The following LGI3 variants were observed in gnomAD, a reference collection of about 807,000 sequenced individuals.
The protein encoded by LGI3 is leucine-rich repeat LGI family member 3.
Under a neutral mutation model 55.4 loss-of-function variants are expected in LGI3, and 47 were observed. The observed-to-expected ratio is 0.85, with a 90% CI of 0.67 to 1.08. The LOEUF is 1.08. LGI3 is among the 50% of genes least tolerant of loss of function. LGI3 has a pLI of 0.00. For synonymous variants in LGI3, 326 were observed against 315.0 expected (o/e 1.04, Z -0.37); for missense variants, 664 against 726.3 (o/e 0.91, Z 0.99).
rs763897669 is a variant in LGI3, at chr8:22,148,311, C to T, written c.1496G>A (p.Arg499Gln). 4.3e-5 allele frequency: 70 copies of T among 1,614,020 alleles called. No individual in the cohort carries two copies. Among genetic ancestry groups the T allele is most frequent in the Non-Finnish European group, 5.7e-5 (67 of 1,180,028 alleles). The change falls in exon 8 of 8, where the codon CGA (arginine) becomes CAA (glutamine). Residue 499 changes from arginine to glutamine, a missense_variant. Transcript: ENST00000306317. The surrounding 1 kb of genome is among the most constrained non-coding windows in gnomAD (Gnocchi z 7.0). ...CTCCTGGAACCGTACAAACTTCTGT[C>T]GTCCCTCATCCCACTGGTAGATCTG... ...FTQIYQWDEGRQKFVRFQELA... is the reference protein window; with the variant it reads ...FTQIYQWDEGQQKFVRFQELA...
At chr8:22,154,115 C>T in intron 4 of LGI3, 27 bp downstream of exon 4, 1 of 1,611,772 alleles carries the variant, frequency 6.2e-7, no homozygotes, top group Non-Finnish European at 8.5e-7. Context: ...GGCTTTGGTG[C>T]AGTGTGTGTA....
intron 2 of LGI3, 139 bp downstream of exon 2, chr8:22,155,253 A>C: frequency 1.3e-6 from 1 of 791,790 alleles, no homozygotes; most frequent in Non-Finnish European, 2.1e-6. Context: ...GGTACATCCT[A>C]TCAGAACAAA....
In LGI3 at chr8:22,156,513, C is replaced by T. The variant is rs1224903291; in HGVS notation, c.30G>A (p.Pro10=). 7.2e-7 allele frequency: 1 copy of T among 1,390,328 alleles called. No homozygotes were observed. Among genetic ancestry groups the T allele is most frequent in the Non-Finnish European group, 9.3e-7 (1 of 1,072,516 alleles). 86.1% of individuals were successfully genotyped at this position (1,390,328 alleles called of 1,614,324 possible). The change falls in exon 1 of 8, where the codon CCG becomes CCA. Residue 10 remains proline, a synonymous_variant. Transcript: ENST00000306317. MAGLRARGG[P]GPGLLALSAL... ...CGGAGAGCGCCAGCAGCCCCGGCCC[C>T]GGGCCCCCCCTGGCCCGCAGCCCCG...
rs752829873 is a variant in LGI3, at chr8:22,154,161, G to A, written c.403C>T (p.Leu135Phe). 5 of 1,614,100 alleles carry A rather than the reference G, an allele frequency of 3.1e-6. No individual in the cohort carries two copies. The highest frequency in any genetic ancestry group is 4.2e-6 in the Non-Finnish European group (5 of 1,179,968). Residue 135 changes from leucine (L) to phenylalanine (F), a missense_variant, in exon 4 of 8, where the codon CTC becomes TTC. Physicochemically the swap from Leu to Phe is conservative, Grantham distance 22 (BLOSUM62 0). Transcript: ENST00000306317. ...ACTCACAGGTGAGTCAAGGACTTGA[G>A]TCCTCGGAAGGTGAACTTGGATAGT... ...WALSKFTFRG[L>F]KSLTHLSLAN...
chr8:22,150,188 T>C (rs879638665), intron 7 of LGI3, among the ~76,000 whole-genome samples: 3 of 152,170 alleles, frequency 2.0e-5, no homozygotes, highest in Non-Finnish European at 4.4e-5. Context: ...CCTTAAATGT[T>C]TGATAGCATT....
chr8:22,151,749 G>A, intron 6 of LGI3, 82 bp downstream of exon 6: 10 of 1,566,300 alleles, frequency 6.4e-6, no homozygotes, highest in Non-Finnish European at 8.7e-6. Flanking sequence ...TGGGTGTTGT[G>A]GGGCAGGGTG....
In LGI3 at chr8:22,156,507, C is replaced by G. The variant is rs376564510; in HGVS notation, c.36G>C (p.Pro12=). 8,246 of 1,399,390 alleles carry G rather than the reference C, an allele frequency of 5.9e-3. 277 individuals are homozygous for G. The African/African-American group carries it at 0.086, about 15-fold the overall frequency. 86.7% of individuals were successfully genotyped at this position (1,399,390 alleles called of 1,614,324 possible). ...AGLRARGGPG[P]GLLALSALGF... ...CGAGCGCGGAGAGCGCCAGCAGCCC[C>G]GGCCCCGGGCCCCCCCTGGCCCGCA... The change falls in exon 1 of 8, where the codon CCG becomes CCC. Residue 12 remains proline, a synonymous_variant. Coordinates refer to ENST00000306317, the MANE Select transcript of LGI3 (RefSeq NM_139278.4).
Position 22,148,788 on chromosome 8 carries a change from T to G in LGI3, c.1019A>C (p.Asp340Ala). 2 of 1,614,170 alleles carry G rather than the reference T, an allele frequency of 1.2e-6. No homozygotes were observed. The change falls in exon 8 of 8, where the codon GAC (aspartate) becomes GCC (alanine). Residue 340 changes from aspartate (D) to alanine (A), a missense_variant. Coordinates refer to ENST00000306317, the MANE Select transcript of LGI3 (RefSeq NM_139278.4). This position sits in a 1 kb window ranked among gnomAD's most constrained non-coding sequence, Gnocchi z 7.0. ...NDLEAFRIDGDWYFAVADSSK... is the reference protein window; with the variant it reads ...NDLEAFRIDGAWYFAVADSSK... ...GCTGTCAGCCACGGCAAAGTACCAG[T>G]CACCGTCGATGCGGAAGGCTTCTAG...
Position 22,148,736 on chromosome 8 carries a change from G to A in LGI3, c.1071C>T (p.Tyr357=). Residue 357 remains tyrosine, a synonymous_variant, in exon 8 of 8, where the codon TAC becomes TAT. Coordinates refer to ENST00000306317, the MANE Select transcript of LGI3 (RefSeq NM_139278.4). The surrounding 1 kb of genome is among the most constrained non-coding windows in gnomAD (Gnocchi z 7.0). The part of the protein sequence containing the change: ...DSSKAGATSL[Y]RWHQNGFYSH... ...AGTAGAAGCCATTCTGGTGCCAGCGGTAGAGGCTGGTGGCGCCTGCCTTGG... is the reference window on the plus strand; with the variant it reads ...AGTAGAAGCCATTCTGGTGCCAGCGATAGAGGCTGGTGGCGCCTGCCTTGG... The A allele has an allele frequency of 6.2e-7, 1 of 1,614,186 alleles. No individual in the cohort carries two copies. Among genetic ancestry groups the A allele is most frequent in the Non-Finnish European group, 8.5e-7 (1 of 1,180,026 alleles).
Position 22,153,957 on chromosome 8 carries a change from T to A in LGI3, c.494+11A>T. ...GCGGCACTGTTGGAAGAGGCAGGAC[T>A]CAGGCCTTACAAGTCATTCAGGATG... On this transcript the variant is annotated intron_variant, in intron 5 of 7. Coordinates refer to ENST00000306317, the MANE Select transcript of LGI3 (RefSeq NM_139278.4). 6.2e-7 allele frequency: 1 copy of A among 1,613,448 alleles called. No individual in the cohort carries two copies. Among genetic ancestry groups the A allele is most frequent in the Non-Finnish European group, 8.5e-7 (1 of 1,179,722 alleles).
Position 22,148,143 on chromosome 8 carries a change from A to C in LGI3, c.*17T>G. The C allele has an allele frequency of 6.4e-7, 1 of 1,559,092 alleles. No individual in the cohort carries two copies. Among genetic ancestry groups the C allele is most frequent in the Non-Finnish European group, 8.7e-7 (1 of 1,151,602 alleles). ...CTCCAGTGGCCACCCTGAGGAGACC[A>C]GAGGCCTCGGCACCCCCTAGGCACT... On this transcript the variant is annotated 3_prime_UTR_variant, in exon 8 of 8. Transcript: ENST00000306317. The surrounding 1 kb of genome is among the most constrained non-coding windows in gnomAD (Gnocchi z 7.0).
At chr8:22,153,711 TAA>T (rs534582339) in intron 5 of LGI3, among the ~76,000 whole-genome samples, 19 of 130,274 alleles carry the variant, frequency 1.5e-4, no homozygotes, top group East Asian at 4.2e-4. Context: ...CGTCTATAAT[TAA>T]AAAAAAAAAA....
Position 22,151,522 on chromosome 8 carries a change from C to A in LGI3, c.796G>T (p.Glu266Ter). ...CTATCATAGTCTCGAAGCTGCCGCTCAACATAGTCCCACTTCAGGATGGTG... is the reference window on the plus strand; with the variant it reads ...CTATCATAGTCTCGAAGCTGCCGCTAAACATAGTCCCACTTCAGGATGGTG... The part of the protein sequence containing the change: ...ACTILKWDYV[E>*]RQLRDYDRIP... Residue 266 changes from glutamate (E) to a stop codon, truncating the protein, a stop_gained, in exon 7 of 8, where the codon GAG (glutamate) becomes TAG (stop). Coordinates refer to ENST00000306317, the MANE Select transcript of LGI3 (RefSeq NM_139278.4). LOFTEE classifies it high-confidence loss of function. 6 of 1,614,074 alleles carry A rather than the reference C, an allele frequency of 3.7e-6. No homozygotes were observed. The highest frequency in any genetic ancestry group is 5.1e-6 in the Non-Finnish European group (6 of 1,180,016).
At position 22,148,913 on chromosome 8, in the gene LGI3, C is replaced by G. The variant is rs746299609; in HGVS notation, c.894G>C (p.Gln298His). ...GGTAAATGTAAGAGCCGCCAAACAG[C>G]TGGGCCACGACCACGTACAGCTGGC... Reference protein sequence around the residue: ...VDSQLYVVVAQLFGGSYIYHW... With the variant: ...VDSQLYVVVAHLFGGSYIYHW... Residue 298 changes from glutamine to histidine, a missense_variant, in exon 8 of 8, where the codon CAG becomes CAC. By Grantham distance (24) the Gln-to-His change is conservative. Transcript: ENST00000306317. The surrounding 1 kb of genome is among the most constrained non-coding windows in gnomAD (Gnocchi z 7.0). 3.3e-5 allele frequency: 53 copies of G among 1,614,016 alleles called. No homozygotes were observed. In the South Asian group the frequency reaches 5.6e-4, roughly 17 times the overall value.
chr8:22,153,520 G>A (rs1172052836), intron 5 of LGI3, among the ~76,000 whole-genome samples: 1 of 151,772 alleles, frequency 6.6e-6, no homozygotes, highest in Non-Finnish European at 1.5e-5. Flanking sequence ...GGCCAACATG[G>A]TGAAACCCCG....
Position 22,148,362 on chromosome 8 carries a change from G to A in LGI3, c.1445C>T (p.Ala482Val), listed in dbSNP as rs1827333061. The stretch of plus-strand genomic sequence containing the variant: ...GGTGAAGGAGAAATCACTGCCCAGT[G>A]CCAGGTAGCGGCGGCCACCCACAAG... ...PFLVGGRRYL[A>V]LGSDFSFTQI... The change falls in exon 8 of 8, where the codon GCA (alanine) becomes GTA (valine). Residue 482 changes from alanine to valine, a missense_variant. Transcript: ENST00000306317. This position sits in a 1 kb window ranked among gnomAD's most constrained non-coding sequence, Gnocchi z 7.0. The A allele has an allele frequency of 6.2e-7, 1 of 1,613,906 alleles. No individual in the cohort carries two copies. Among genetic ancestry groups the A allele is most frequent in the South Asian group, 1.1e-5 (1 of 91,058 alleles).
At position 22,148,712 on chromosome 8, in the gene LGI3, G is replaced by T; in HGVS notation, c.1095C>A (p.Tyr365Ter). The stretch of plus-strand genomic sequence containing the variant: ...GCCAGGGGTGCAGTGCCTGGTGGGA[G>T]TAGAAGCCATTCTGGTGCCAGCGGT... ...SLYRWHQNGF[Y>*]SHQALHPWHR... The change falls in exon 8 of 8, where the codon TAC becomes TAA. Residue 365 changes from tyrosine (Y) to a stop codon, truncating the protein, a stop_gained. Coordinates refer to ENST00000306317, the MANE Select transcript of LGI3 (RefSeq NM_139278.4). LOFTEE classifies it high-confidence loss of function. The surrounding 1 kb of genome is among the most constrained non-coding windows in gnomAD (Gnocchi z 7.0). The T allele has an allele frequency of 6.2e-7, 1 of 1,614,182 alleles. No homozygotes were observed. The highest frequency in any genetic ancestry group is 8.5e-7 in the Non-Finnish European group (1 of 1,180,024).
chr8:22,156,399 G>T lies in LGI3; in HGVS notation c.144C>A (p.Asp48Glu), dbSNP rs894278014. Residue 48 changes from aspartate (D) to glutamate (E), a missense_variant, in exon 1 of 8, where the codon GAC becomes GAA. Physicochemically the swap from Asp to Glu is conservative, Grantham distance 45. Coordinates refer to ENST00000306317, the MANE Select transcript of LGI3 (RefSeq NM_139278.4). ...PCPPSCSCTR[D>E]TAFCVDSKAV... Reference sequence around the variant, plus strand: ...CCTTTGAGTCCACGCAGAAGGCGGTGTCCCTGGTGCAAGAGCAGCTGGGCG... The same window carrying T: ...CCTTTGAGTCCACGCAGAAGGCGGTTTCCCTGGTGCAAGAGCAGCTGGGCG... The T allele has an allele frequency of 3.1e-6, 5 of 1,602,552 alleles. No individual in the cohort carries two copies. The African/African-American group carries it at 6.8e-5, about 22-fold the overall frequency.
At chr8:22,154,266 G>A (rs1301004603) in intron 3 of LGI3, 53 bp from the exon 4 acceptor site, 23 of 1,431,636 alleles carry the variant, frequency 1.6e-5, no homozygotes, top group Non-Finnish European at 2.2e-5. Context: ...CAGACCCCCA[G>A]CAGCACTCGC....
Sources: allele counts gnomAD v4.1 joint callset (sites outside exome capture counted in the v4.1 genomes callset), GRCh38; gene constraint gnomAD v4.1.1; non-coding constraint Gnocchi (gnomAD v3.1); transcripts MANE v1.5; gene names NCBI Gene and HGNC (gene_info 2026-07-23, HGNC 2026-07-21).